The following DNAH2 variants were observed in gnomAD, a reference collection of about 807,000 sequenced individuals.
DNAH2 encodes the protein axonemal beta dynein heavy chain 2.
A neutral mutation model predicts 523.5 loss-of-function variants in DNAH2; 323 were observed. The observed-to-expected ratio is 0.62, with a 90% CI of 0.56 to 0.68. DNAH2 has a LOEUF of 0.68. DNAH2 is among the 30% of genes least tolerant of loss of function. The pLI is 0.00. For synonymous variants in DNAH2, 2,093 were observed against 2,177.4 expected, an observed-to-expected ratio of 0.96 and a Z score of 1.08; for missense variants, 4,907 against 5,701.5, an observed-to-expected ratio of 0.86 and a Z score of 4.49.
intron 4 of DNAH2, among the ~76,000 whole-genome samples, chr17:7,729,372 C>T (rs1257580016): frequency 2.0e-5 from 3 of 150,304 alleles, no homozygotes; most frequent in Non-Finnish European, 3.0e-5. Context: ...ATAGCAAGAC[C>T]GCCATCTCCA....
At position 7,831,261 on chromosome 17, in the gene DNAH2, T is replaced by C; in HGVS notation, c.12406T>C (p.Leu4136=). 2 of 1,614,126 alleles carry C rather than the reference T, an allele frequency of 1.2e-6. No homozygotes were observed. The highest frequency in any genetic ancestry group is 1.7e-6 in the Non-Finnish European group (2 of 1,180,038). The part of the protein sequence containing the change: ...AQTLFDTLLS[L]QPQITPTRAG... ...AACCCTCTTTGATACTTTGCTTTCC[T>C]TGCAACCTCAGATTACACCCACCAG... The change falls in exon 80 of 86, where the codon TTG becomes CTG. Residue 4136 remains leucine, a synonymous_variant. Transcript: ENST00000572933. The surrounding 1 kb of genome is among the most constrained non-coding windows in gnomAD (Gnocchi z 4.2).
intron 63 of DNAH2, among the ~76,000 whole-genome samples, chr17:7,810,992 A>G (rs1488262628): frequency 6.6e-6 from 1 of 152,246 alleles, no homozygotes; most frequent in Non-Finnish European, 1.5e-5. Context: ...ATAGGGCCCC[A>G]GAAGGCTCTG....
intron 77 of DNAH2, 52 bp from the exon 78 acceptor site, chr17:7,830,248 C>A (rs2078131622): frequency 6.5e-7 from 1 of 1,547,000 alleles, no homozygotes; most frequent in African/African-American, 1.4e-5. Flanking sequence ...GTGCTAGTGG[C>A]AGGTCTGAGT....
At chr17:7,776,428 T>C (rs938821755) in intron 31 of DNAH2, among the ~76,000 whole-genome samples, 2 of 152,012 alleles carry the variant, frequency 1.3e-5, no homozygotes, top group African/African-American at 4.8e-5. Flanking sequence ...ATTGTGCCGC[T>C]GCACTCCAGC....
In DNAH2 at chr17:7,818,015, T is replaced by C; in HGVS notation, c.10306T>C (p.Tyr3436His). 2 of 1,614,122 alleles carry C rather than the reference T, an allele frequency of 1.2e-6. No individual in the cohort carries two copies. Among genetic ancestry groups the C allele is most frequent in the Non-Finnish European group, 1.7e-6 (2 of 1,180,016 alleles). The change falls in exon 68 of 86, where the codon TAC becomes CAC. Residue 3436 changes from tyrosine to histidine, a missense_variant. By Grantham distance (83) the Tyr-to-His change is moderately conservative (BLOSUM62 2). Transcript: ENST00000572933. ...CCTAGAACACGCCATTCACTTTGGATACCCGGTGCTACTTCAGAACGTGCA... is the reference window on the plus strand; with the variant it reads ...CCTAGAACACGCCATTCACTTTGGACACCCGGTGCTACTTCAGAACGTGCA... ...RILEHAIHFG[Y>H]PVLLQNVQEY...
chr17:7,774,958 G>T lies in DNAH2; in HGVS notation c.4701G>T (p.Lys1567Asn). The change falls in exon 29 of 86, where the codon AAG (lysine) becomes AAT (asparagine). Residue 1567 changes from lysine to asparagine, a missense_variant. Coordinates refer to ENST00000572933, the MANE Select transcript of DNAH2 (RefSeq NM_020877.5). ...TCAAAAAATGCTTTGACAACATCAA[G>T]TTGCTGAGAATCCAGAAGGTCAGTA... ...PHLKKCFDNI[K>N]LLRIQKVGGP... 1.9e-6 allele frequency: 3 copies of T among 1,613,982 alleles called. No homozygotes were observed. The highest frequency in any genetic ancestry group is 1.7e-6 in the Non-Finnish European group (2 of 1,180,046).
chr17:7,823,348 A>AGAGC, intron 73 of DNAH2, 94 bp from the exon 74 acceptor site: 1 of 928,894 alleles, frequency 1.1e-6, no homozygotes, highest in Non-Finnish European at 1.4e-6. Context: ...AGAAAAATAC[A>AGAGC]GAGAGAGAGA....
At chr17:7,735,745 T>C (rs973203131) in intron 7 of DNAH2, among the ~76,000 whole-genome samples, 12 of 151,734 alleles carry the variant, frequency 7.9e-5, no homozygotes, top group African/African-American at 2.7e-4. Context: ...AGCTCAATTG[T>C]TAATTTTTTT....
chr17:7,743,213 C>A, intron 12 of DNAH2, 71 bp downstream of exon 12: 2 of 1,388,678 alleles, frequency 1.4e-6, no homozygotes, highest in East Asian at 2.3e-5. Flanking sequence ...TCACTCCCAT[C>A]TTTTGACTCC....
Position 7,833,601 on chromosome 17 carries a change from C to G in DNAH2, c.*68C>G. On this transcript the variant is annotated 3_prime_UTR_variant, in exon 86 of 86. Transcript: ENST00000572933. ...CCAGGAGCTAAGACAGATGTTGCAC[C>G]TAGGACTGAGGCCGGACCTCACTCA... is the stretch of plus-strand genomic sequence containing the variant. 5 of 1,599,128 alleles carry G rather than the reference C, an allele frequency of 3.1e-6. No homozygotes were observed. The highest frequency in any genetic ancestry group is 4.2e-6 in the Non-Finnish European group (5 of 1,176,942).
chr17:7,732,624 T>C (rs2075022414), intron 4 of DNAH2, among the ~76,000 whole-genome samples: 1 of 152,114 alleles, frequency 6.6e-6, no homozygotes, highest in African/African-American at 2.4e-5. Context: ...ACAAAAGCCA[T>C]AAGCAAAATT....
chr17:7,772,018 C>T (rs550722203), intron 28 of DNAH2, among the ~76,000 whole-genome samples: 3 of 152,216 alleles, frequency 2.0e-5, no homozygotes, highest in African/African-American at 7.2e-5. Flanking sequence ...GCCCAGCCTA[C>T]GTTGACTTTC....
intron 48 of DNAH2, among the ~76,000 whole-genome samples, chr17:7,793,515 C>G (rs1437277257): frequency 9.6e-6 from 1 of 104,562 alleles, no homozygotes; most frequent in Non-Finnish European, 2.2e-5. Context: ...TTCTTTCTTT[C>G]TTCTCTTTCT....
intron 63 of DNAH2, among the ~76,000 whole-genome samples, chr17:7,812,916 A>G (rs556214674): frequency 6.0e-5 from 9 of 150,366 alleles, no homozygotes; most frequent in South Asian, 2.1e-4. Context: ...GAATGATTGC[A>G]CTCCAGCCTG....
Position 7,780,602 on chromosome 17 carries a change from T to G in DNAH2, c.5851-28T>G. 1 of 1,611,728 alleles carries G rather than the reference T, an allele frequency of 6.2e-7. No homozygotes were observed. Among genetic ancestry groups the G allele is most frequent in the Non-Finnish European group, 8.5e-7 (1 of 1,178,710 alleles). On this transcript the variant is annotated intron_variant, in intron 37 of 85. Coordinates refer to ENST00000572933, the MANE Select transcript of DNAH2 (RefSeq NM_020877.5). The surrounding 1 kb of genome is among the most constrained non-coding windows in gnomAD (Gnocchi z 4.4). The stretch of plus-strand genomic sequence containing the variant: ...CAGAGGGATTTGTGGGGAGATGGAC[T>G]GTTTCCTCCTCTGTTTTGGTTCCCC...
At chr17:7,794,485 G>T in intron 49 of DNAH2, 127 bp downstream of exon 49, 1 of 755,464 alleles carries the variant, frequency 1.3e-6, no homozygotes, top group South Asian at 2.1e-5. Context: ...CAGGACGCTG[G>T]GACGATCCGT....
Position 7,819,306 on chromosome 17 carries a change from A to C in DNAH2, c.10913A>C (p.Tyr3638Ser), listed in dbSNP as rs1393126019. The C allele has an allele frequency of 6.2e-7, 1 of 1,614,230 alleles. No homozygotes were observed. The highest frequency in any genetic ancestry group is 1.7e-5 in the Admixed American group (1 of 60,026). ...DPMYQFSLDA[Y>S]ISLFILSIDK... Reference sequence around the variant, plus strand: ...ATGTACCAGTTCTCACTGGATGCCTACATCAGCCTCTTTATTCTCAGCATT... The same window carrying C: ...ATGTACCAGTTCTCACTGGATGCCTCCATCAGCCTCTTTATTCTCAGCATT... The change falls in exon 72 of 86, where the codon TAC becomes TCC. Residue 3638 changes from tyrosine (Y) to serine (S), a missense_variant. Coordinates refer to ENST00000572933, the MANE Select transcript of DNAH2 (RefSeq NM_020877.5).
chr17:7,795,804 C>G (rs1597689248), intron 49 of DNAH2, among the ~76,000 whole-genome samples: 1 of 147,828 alleles, frequency 6.8e-6, no homozygotes, highest in South Asian at 2.1e-4. Context: ...TGAGATCAGC[C>G]TGACCACCAT....
chr17:7,737,844 G>A (rs1274680585), intron 8 of DNAH2: 2 of 649,040 alleles, frequency 3.1e-6, no homozygotes, highest in Non-Finnish European at 5.6e-6. Context: ...GGTGGGATGA[G>A]TTTCAGGAGT....
Sources: allele counts gnomAD v4.1 joint callset (sites outside exome capture counted in the v4.1 genomes callset), GRCh38; gene constraint gnomAD v4.1.1; non-coding constraint Gnocchi (gnomAD v3.1); transcripts MANE v1.5; gene names NCBI Gene and HGNC (gene_info 2026-07-23, HGNC 2026-07-21).